Variants in LMX1B observed in about 807,000 individuals in gnomAD.
LMX1B encodes the protein LIM homeobox transcription factor 1 beta, also known as LIM homeobox transcription factor 1-beta.
Under a neutral mutation model 51.4 loss-of-function variants are expected in LMX1B, and 12 were observed. That is an observed-to-expected ratio of 0.23 (90% CI 0.15 to 0.38). The LOEUF (loss-of-function observed/expected upper bound fraction) is 0.38. Ranked by LOEUF, LMX1B falls within the 10% of genes least tolerant of loss-of-function variation. The pLI, the probability that LMX1B is intolerant of heterozygous loss-of-function variation, is 1.00. For synonymous variants in LMX1B, 237 were observed against 235.4 expected (o/e 1.01, Z -0.06); for missense variants, 445 against 571.1 (o/e 0.78, Z 2.25).
At chr9:126,660,913 A>T (rs767666458) in intron 2 of LMX1B, among the ~76,000 whole-genome samples, 6 of 152,208 alleles carry the variant, frequency 3.9e-5, no homozygotes, top group Non-Finnish European at 7.3e-5. Context: ...ACGCCATGAT[A>T]GGGGACCCAC....
chr9:126,693,533 A>T lies in LMX1B; in HGVS notation c.751A>T (p.Thr251Ser). ...CCTCTCTCTGAGCCAGGTCCGAGAG[A>T]CACTGGCAGCTGAGACGGGCCTCAG... ...SSKPCRKVRE[T>S]LAAETGLSVR... The change falls in exon 5 of 8, where the codon ACA becomes TCA. Residue 251 changes from threonine (T) to serine (S), a missense_variant. By Grantham distance (58) the Thr-to-Ser change is moderately conservative. This residue lies in a region of LMX1B where 10 missense variants were observed against 39.9 expected (regional missense o/e 0.25). Transcript: ENST00000373474. 1 of 1,613,990 alleles carries T rather than the reference A, an allele frequency of 6.2e-7. No homozygotes were observed. The highest frequency in any genetic ancestry group is 1.1e-5 in the South Asian group (1 of 91,080).
Position 126,662,998 on chromosome 9 carries a change from T to C in LMX1B, c.327-27838T>C, listed in dbSNP as rs556080665. Among the ~76,000 whole-genome samples, 9 of 152,254 alleles carry C rather than the reference T, an allele frequency of 5.9e-5. No homozygotes were observed. The South Asian group carries it at 1.9e-3, about 32-fold the overall frequency. On this transcript the variant is annotated intron_variant, in intron 2 of 7. Transcript: ENST00000373474. ...GGTGGCGTTGGCAGTGGTGGCTCAC[T>C]TGGGATCTGGAGAGGAGCTTGGACC... is the stretch of plus-strand genomic sequence containing the variant.
At chr9:126,687,259 C>T (rs2029932908) in intron 2 of LMX1B, among the ~76,000 whole-genome samples, 1 of 151,522 alleles carries the variant, frequency 6.6e-6, no homozygotes, top group Non-Finnish European at 1.5e-5. Flanking sequence ...GACGGAGTCT[C>T]TCTCTGTCGC....
In LMX1B at chr9:126,671,822, G is replaced by A. The variant is rs1170403167; in HGVS notation, c.327-19014G>A. Among the ~76,000 whole-genome samples the A allele has an allele frequency of 6.6e-6, 1 of 152,212 alleles. No individual in the cohort carries two copies. Among genetic ancestry groups the A allele is most frequent in the Admixed American group, 6.5e-5 (1 of 15,292 alleles). On this transcript the variant is annotated intron_variant, in intron 2 of 7. Transcript: ENST00000373474. This position sits in a 1 kb window ranked among gnomAD's most constrained non-coding sequence, Gnocchi z 4.4. ...CAGGGCAGCGGCCCCCCACAGCCCAGGCCCCCAGCGGCCCAGAGGCCACTT... is the reference window on the plus strand; with the variant it reads ...CAGGGCAGCGGCCCCCCACAGCCCAAGCCCCCAGCGGCCCAGAGGCCACTT...
chr9:126,647,484 C>G (rs1480609014), intron 2 of LMX1B, among the ~76,000 whole-genome samples: 2 of 152,222 alleles, frequency 1.3e-5, no homozygotes, highest in Non-Finnish European at 2.9e-5. Flanking sequence ...CTCCTCCTCA[C>G]TGTGCACCGG....
At chr9:126,666,889 TTCTTC>T (rs1379686677) in intron 2 of LMX1B, among the ~76,000 whole-genome samples, 2 of 152,180 alleles carry the variant, frequency 1.3e-5, no homozygotes, top group Non-Finnish European at 2.9e-5. Flanking sequence ...GGTTCGAGGT[TTCTTC>T]TCTCTCAGCC....
At chr9:126,629,448 G>A (rs1235462657) in intron 2 of LMX1B, among the ~76,000 whole-genome samples, 5 of 152,146 alleles carry the variant, frequency 3.3e-5, no homozygotes, top group Non-Finnish European at 7.3e-5. Context: ...TAAGACAACC[G>A]AGGCACAGAG....
intron 2 of LMX1B, among the ~76,000 whole-genome samples, chr9:126,660,167 C>T (rs200962097): frequency 3.2e-3 from 251 of 77,760 alleles, no homozygotes; most frequent in Middle Eastern, 0.016. Flanking sequence ...AGAGATTGTC[C>T]TGTGTGGGGG....
chr9:126,651,296 C>G (rs1836000295), intron 2 of LMX1B, among the ~76,000 whole-genome samples: 1 of 150,532 alleles, frequency 6.6e-6, no homozygotes, highest in African/African-American at 2.5e-5. Context: ...GAAGGAGGGA[C>G]TGGGGGGGGT....
chr9:126,686,044 G>A (rs1347091213), intron 2 of LMX1B, among the ~76,000 whole-genome samples: 3 of 152,128 alleles, frequency 2.0e-5, no homozygotes, highest in African/African-American at 7.2e-5. Flanking sequence ...GCCATACCCT[G>A]TGTGTCTCTG....
At chr9:126,631,467 A>G (rs1034541311) in intron 2 of LMX1B, among the ~76,000 whole-genome samples, 3 of 151,896 alleles carry the variant, frequency 2.0e-5, no homozygotes, top group Non-Finnish European at 2.9e-5. Flanking sequence ...CCAGGAGTCC[A>G]GCTGGGGGCC....
In LMX1B at chr9:126,677,979, A is replaced by G; in HGVS notation, c.327-12857A>G. Among the ~76,000 whole-genome samples the G allele has an allele frequency of 6.6e-6, 1 of 152,190 alleles. No individual in the cohort carries two copies. On this transcript the variant is annotated intron_variant, in intron 2 of 7. Coordinates refer to ENST00000373474, the MANE Select transcript of LMX1B (RefSeq NM_001174147.2). This position sits in a 1 kb window ranked among gnomAD's most constrained non-coding sequence, Gnocchi z 5.0. The stretch of plus-strand genomic sequence containing the variant: ...GAGAGCTACCATGCCTCAAGGTCTT[A>G]TATGGACAGACTCAGGCTCATTCAG...
rs1835247995 is a variant in LMX1B at position 126,614,115 on chromosome 9, G to T, written c.-335G>T. On this transcript the variant is annotated 5_prime_UTR_variant, in exon 1 of 8. Transcript: ENST00000373474. ...TCCCCCGCCTGCCGCCGCCGCCACC[G>T]CCACCGCCGCCGCCGCCTCCTCCCC... Among the ~76,000 whole-genome samples, 1 of 108,090 alleles carries T rather than the reference G, an allele frequency of 9.3e-6. No individual in the cohort carries two copies. The highest frequency in any genetic ancestry group is 3.4e-5 in the African/African-American group (1 of 29,424). The allele number at this position is 108,090 out of a possible 152,430, so 70.9% of individuals were successfully genotyped here.
chr9:126,686,007 C>T (rs1420440875), intron 2 of LMX1B, among the ~76,000 whole-genome samples: 1 of 152,070 alleles, frequency 6.6e-6, no homozygotes, highest in African/African-American at 2.4e-5. Context: ...CATTAGGAAG[C>T]CAATGTTACT....
Position 126,615,646 on chromosome 9 carries a change from C to A in LMX1B, c.326+77C>A. 7.3e-7 allele frequency: 1 copy of A among 1,378,456 alleles called. No individual in the cohort carries two copies. The highest frequency in any genetic ancestry group is 9.9e-7 in the Non-Finnish European group (1 of 1,007,838). The allele number at this position is 1,378,456 out of a possible 1,614,324, so 85.4% of individuals were successfully genotyped here. Reference sequence around the variant, plus strand: ...TCAGCCCCCTGCCGGGCCCGGCCCGCGCCCGCTCTGCCGCCGGCTCTGTGC... The same window carrying A: ...TCAGCCCCCTGCCGGGCCCGGCCCGAGCCCGCTCTGCCGCCGGCTCTGTGC... On this transcript the variant is annotated intron_variant, in intron 2 of 7. Transcript: ENST00000373474. The surrounding 1 kb of genome is among the most constrained non-coding windows in gnomAD (Gnocchi z 6.0).
intron 2 of LMX1B, among the ~76,000 whole-genome samples, chr9:126,639,700 G>C (rs61343266): frequency 1.3e-5 from 2 of 152,218 alleles, no homozygotes; most frequent in East Asian, 1.9e-4. Context: ...GACTGGGGAG[G>C]GGGGCAGAGG....
chr9:126,674,803 C>T (rs548153441), intron 2 of LMX1B, among the ~76,000 whole-genome samples: 1 of 152,360 alleles, frequency 6.6e-6, no homozygotes, highest in Non-Finnish European at 1.5e-5. Context: ...CCAGGACCCG[C>T]TGTGCCTCTC....
At chr9:126,679,741 A>G (rs1836638697) in intron 2 of LMX1B, among the ~76,000 whole-genome samples, 1 of 152,210 alleles carries the variant, frequency 6.6e-6, no homozygotes, top group South Asian at 2.1e-4. Context: ...AACCCTGAAA[A>G]TGGCCTCCAT....
chr9:126,641,196 G>A lies in LMX1B; in HGVS notation c.326+25627G>A, dbSNP rs979943788. The A allele has an allele frequency of 3.9e-5, 6 of 152,358 alleles. No homozygotes were observed. The highest frequency in any genetic ancestry group is 1.9e-4 in the East Asian group (1 of 5,184). 9.4% of individuals were successfully genotyped at this position (152,358 alleles called of 1,614,324 possible). ...CAGGCTCCTCTGGCCTGTAGGCCCC[G>A]AGTTCTGGTCTGGAAGGTCCCCTTT... On this transcript the variant is annotated intron_variant, in intron 2 of 7. Coordinates refer to ENST00000373474, the MANE Select transcript of LMX1B (RefSeq NM_001174147.2). The surrounding 1 kb of genome is among the most constrained non-coding windows in gnomAD (Gnocchi z 4.1).
Sources: gnomAD v4.1 joint callset for allele counts (sites outside exome capture counted in the v4.1 genomes callset) on GRCh38, gnomAD v4.1.1 for gene constraint, gnomAD v4.1.1 regional missense constraint, Gnocchi (gnomAD v3.1) non-coding constraint, MANE v1.5 for transcripts, NCBI Gene and HGNC (gene_info 2026-07-23, HGNC 2026-07-21) for gene names.